Variants in PLCG1 observed in about 807,000 individuals in gnomAD.
PLCG1 encodes 1-phosphatidylinositol 4,5-bisphosphate phosphodiesterase gamma-1.
PLCG1 carries 71 observed loss-of-function variants against 177.8 expected under a neutral mutation model. The ratio of observed to expected loss-of-function variants is 0.40; its 90% CI spans 0.33 to 0.49. The LOEUF is 0.49. Ranked by LOEUF, PLCG1 falls within the 20% of genes least tolerant of loss-of-function variation. PLCG1 has a pLI of 0.72. For synonymous variants in PLCG1, 658 were observed against 647.9 expected (o/e 1.02, Z -0.24); for missense variants, 1,281 against 1,709.0 (o/e 0.75, Z 4.42).
At position 41,172,363 on chromosome 20, in the gene PLCG1, TC is replaced by T; in HGVS notation, c.2906-52del. The stretch of plus-strand genomic sequence containing the variant: ...TGGGTGCAAAAAGAGTATTTAGGTA[TC>T]CCCCCAACACTTCCTGGGTGGGCGG... On this transcript the variant is annotated intron_variant, in intron 25 of 31. Transcript: ENST00000685551. This position sits in a 1 kb window ranked among gnomAD's most constrained non-coding sequence, Gnocchi z 7.0. 4 of 1,575,750 alleles carry T rather than the reference TC, an allele frequency of 2.5e-6. No individual in the cohort carries two copies. The highest frequency in any genetic ancestry group is 1.1e-5 in the South Asian group (1 of 90,370).
In PLCG1 at chr20:41,165,114, G is replaced by T. The variant is rs778855626; in HGVS notation, c.1386+13G>T. ...GATCCTCATCAAGGTGGGGTGGCGGGCTTATTGCGGAAGCCCCACACTTCT... is the reference window on the plus strand; with the variant it reads ...GATCCTCATCAAGGTGGGGTGGCGGTCTTATTGCGGAAGCCCCACACTTCT... On this transcript the variant is annotated intron_variant, in intron 13 of 31. Transcript: ENST00000685551. The surrounding 1 kb of genome is among the most constrained non-coding windows in gnomAD (Gnocchi z 6.6). The T allele has an allele frequency of 1.6e-5, 25 of 1,608,812 alleles. No individual in the cohort carries two copies. Among genetic ancestry groups the T allele is most frequent in the Non-Finnish European group, 2.1e-5 (25 of 1,176,592 alleles).
At position 41,176,655 on chromosome 20, in the gene PLCG1, C is replaced by G. The variant is rs2036072654; in HGVS notation, c.*2146C>G. 6.6e-6 allele frequency: 1 copy of G among 152,254 alleles called. No individual in the cohort carries two copies. The highest frequency in any genetic ancestry group is 2.4e-5 in the African/African-American group (1 of 41,462). 9.4% of individuals were successfully genotyped at this position (152,254 alleles called of 1,614,324 possible). A position where few individuals can be genotyped will look rare whatever the true frequency, so the allele number is the denominator to read the frequency against. ...CTTTGTAGACCTGAGGCTCACCTCT[C>G]TTGGGCTCTGTAAGACATTGCCTTT... is the stretch of plus-strand genomic sequence containing the variant. On this transcript the variant is annotated 3_prime_UTR_variant, in exon 32 of 32. Coordinates refer to ENST00000685551, the MANE Select transcript of PLCG1 (RefSeq NM_002660.3).
Position 41,177,260 on chromosome 20 carries a change from C to T in PLCG1, c.*2751C>T, listed in dbSNP as rs1443842622. ...TTCACTTTCAACAGCTTTGGCTCAGCAGACATGTACACATACAAAGTAGAG... is the reference window on the plus strand; with the variant it reads ...TTCACTTTCAACAGCTTTGGCTCAGTAGACATGTACACATACAAAGTAGAG... On this transcript the variant is annotated 3_prime_UTR_variant, in exon 32 of 32. Coordinates refer to ENST00000685551, the MANE Select transcript of PLCG1 (RefSeq NM_002660.3). 1 of 152,206 alleles carries T rather than the reference C, an allele frequency of 6.6e-6. No individual in the cohort carries two copies. Among genetic ancestry groups the T allele is most frequent in the Non-Finnish European group, 1.5e-5 (1 of 68,050 alleles). 9.4% of individuals were successfully genotyped at this position (152,206 alleles called of 1,614,324 possible). A position where few individuals can be genotyped will look rare whatever the true frequency, so the allele number is the denominator to read the frequency against.
At position 41,159,615 on chromosome 20, in the gene PLCG1, G is replaced by T. The variant is rs150665888; in HGVS notation, c.227G>T (p.Arg76Leu). ...ADKIEGAIDI[R>L]EIKEIRPGKT... ...TTTGCTACCTTCCTAGTTGACATTC[G>T]TGAAATTAAGGAGATCCGCCCAGGG... is the stretch of plus-strand genomic sequence containing the variant. The change falls in exon 2 of 32, where the codon CGT (arginine) becomes CTT (leucine). Residue 76 changes from arginine (R) to leucine (L), a missense_variant. This residue lies in a region of PLCG1 where 374 missense variants were observed against 443.8 expected (regional missense o/e 0.84). Coordinates refer to ENST00000685551, the MANE Select transcript of PLCG1 (RefSeq NM_002660.3). The surrounding 1 kb of genome is among the most constrained non-coding windows in gnomAD (Gnocchi z 6.0). The T allele has an allele frequency of 2.5e-6, 4 of 1,613,892 alleles. No individual in the cohort carries two copies. Among genetic ancestry groups the T allele is most frequent in the Middle Eastern group, 1.7e-4 (1 of 6,038 alleles).
rs1429525679 is a variant in PLCG1 at position 41,174,129 on chromosome 20, G to A, written c.3651G>A (p.Glu1217=). ...TGCACCTGGCTTCGTTGAAGCAGGA[G>A]AATGGTGACCTCAGTCCCTTCAGTG... ...IKIDIFPAKQ[E]NGDLSPFSGT... is the part of the protein sequence containing the mutation. The change falls in exon 31 of 32, where the codon GAG becomes GAA. Residue 1217 remains glutamate, a synonymous_variant. Transcript: ENST00000685551. This position sits in a 1 kb window ranked among gnomAD's most constrained non-coding sequence, Gnocchi z 5.8. 2.5e-6 allele frequency: 4 copies of A among 1,613,056 alleles called. No homozygotes were observed. The highest frequency in any genetic ancestry group is 1.6e-4 in the Middle Eastern group (1 of 6,074).
intron 4 of PLCG1, 81 bp from the exon 5 acceptor site, chr20:41,162,371 C>T (rs2035536258): frequency 3.9e-6 from 4 of 1,028,814 alleles, no homozygotes; most frequent in Non-Finnish European, 3.1e-6. Context: ...TTTACCTGTC[C>T]AGCCCCAGGT....
At chr20:41,140,408 AC>A (rs1357247378) in intron 1 of PLCG1, among the ~76,000 whole-genome samples, 1 of 151,834 alleles carries the variant, frequency 6.6e-6, no homozygotes, top group Non-Finnish European at 1.5e-5. Context: ...TGCCACCTGG[AC>A]TCTTGCCCAA....
In PLCG1 at chr20:41,173,578, C is replaced by T. The variant is rs2146065742; in HGVS notation, c.3394+44C>T. 6.2e-7 allele frequency: 1 copy of T among 1,614,034 alleles called. No homozygotes were observed. The highest frequency in any genetic ancestry group is 8.5e-7 in the Non-Finnish European group (1 of 1,179,998). On this transcript the variant is annotated intron_variant, in intron 28 of 31. Coordinates refer to ENST00000685551, the MANE Select transcript of PLCG1 (RefSeq NM_002660.3). This position sits in a 1 kb window ranked among gnomAD's most constrained non-coding sequence, Gnocchi z 6.2. ...TCATCCTCCTCATCCTGCTGGGGCA[C>T]TGCAAGCCTCTCCCCACCAGTCATC...
chr20:41,166,937 T>A lies in PLCG1; in HGVS notation c.2301+78T>A. 1 of 1,351,640 alleles carries A rather than the reference T, an allele frequency of 7.4e-7. No individual in the cohort carries two copies. The highest frequency in any genetic ancestry group is 1.1e-6 in the Non-Finnish European group (1 of 952,322). The allele number at this position is 1,351,640 out of a possible 1,614,324, so 83.7% of individuals were successfully genotyped here. The stretch of plus-strand genomic sequence containing the variant: ...AATCTTACCAGTCTCTGGATGTGTG[T>A]AACAGCAAGACCTGGTGTGTTGTAG... On this transcript the variant is annotated intron_variant, in intron 19 of 31. Transcript: ENST00000685551. The surrounding 1 kb of genome is among the most constrained non-coding windows in gnomAD (Gnocchi z 8.6).
Position 41,164,212 on chromosome 20 carries a change from G to A in PLCG1, c.1217+11G>A, listed in dbSNP as rs1325407189. 2 of 1,613,924 alleles carry A rather than the reference G, an allele frequency of 1.2e-6. No homozygotes were observed. The highest frequency in any genetic ancestry group is 1.7e-6 in the Non-Finnish European group (2 of 1,179,960). ...CTTTGTGGCCTCAGAGTGAGTCGGA[G>A]GCTGGATGACCCAGGGGTTAACTTG... On this transcript the variant is annotated intron_variant, in intron 12 of 31. Transcript: ENST00000685551. This position sits in a 1 kb window ranked among gnomAD's most constrained non-coding sequence, Gnocchi z 6.4.
chr20:41,158,565 C>T (rs576000382), intron 1 of PLCG1, among the ~76,000 whole-genome samples: 1 of 152,186 alleles, frequency 6.6e-6, no homozygotes, highest in Non-Finnish European at 1.5e-5. Context: ...GATGGGCCCC[C>T]TCCATGTCCC....
At chr20:41,168,895 A>C (rs1390617837) in intron 21 of PLCG1, 25 bp downstream of exon 21, 1 of 1,504,178 alleles carries the variant, frequency 6.6e-7, no homozygotes, top group African/African-American at 1.4e-5. Flanking sequence ...TGGTAGGCCC[A>C]GAGTCCAAGG....
rs768329292 is a variant in PLCG1 at position 41,167,466 on chromosome 20, G to A, written c.2302-386G>A. Among the ~76,000 whole-genome samples, 34 of 152,160 alleles carry A rather than the reference G, an allele frequency of 2.2e-4. No homozygotes were observed. The highest frequency in any genetic ancestry group is 9.2e-4 in the Admixed American group (14 of 15,280). On this transcript the variant is annotated intron_variant, in intron 19 of 31. Coordinates refer to ENST00000685551, the MANE Select transcript of PLCG1 (RefSeq NM_002660.3). The surrounding 1 kb of genome is among the most constrained non-coding windows in gnomAD (Gnocchi z 4.4). ...CAAGTGATGGAGAGGAGCGGCAGGA[G>A]GAATGTGGGGAGTGGGAAGGCTTTT...
intron 6 of PLCG1, 87 bp downstream of exon 6, chr20:41,162,812 T>C (rs1033884454): frequency 5.8e-6 from 8 of 1,369,984 alleles, no homozygotes; most frequent in Non-Finnish European, 8.3e-6. Flanking sequence ...CCTGCTGCCC[T>C]GCTTAGGGGC....
chr20:41,140,794 T>C (rs2034797795), intron 1 of PLCG1, among the ~76,000 whole-genome samples: 2 of 152,356 alleles, frequency 1.3e-5, no homozygotes, highest in South Asian at 4.1e-4. Flanking sequence ...TGCAGTTATG[T>C]AGAGTTCCAG....
Position 41,172,159 on chromosome 20 carries a change from G to A in PLCG1, c.2809-34G>A, listed in dbSNP as rs2035921861. On this transcript the variant is annotated intron_variant, in intron 24 of 31. Coordinates refer to ENST00000685551, the MANE Select transcript of PLCG1 (RefSeq NM_002660.3). The surrounding 1 kb of genome is among the most constrained non-coding windows in gnomAD (Gnocchi z 7.0). ...CTTCCTTCTCCTGGGCAGGGCTGTAGCCTGGGGCTACAGGGCCTTGTGTGT... is the reference window on the plus strand; with the variant it reads ...CTTCCTTCTCCTGGGCAGGGCTGTAACCTGGGGCTACAGGGCCTTGTGTGT... 2 of 1,549,280 alleles carry A rather than the reference G, an allele frequency of 1.3e-6. No individual in the cohort carries two copies. Among genetic ancestry groups the A allele is most frequent in the African/African-American group, 1.4e-5 (1 of 73,694 alleles).
chr20:41,145,042 A>G (rs766415056), intron 1 of PLCG1, among the ~76,000 whole-genome samples: 4 of 152,208 alleles, frequency 2.6e-5, no homozygotes, highest in Admixed American at 6.5e-5. Flanking sequence ...AGGCAGACAG[A>G]TAAAATTCTT....
chr20:41,140,642 G>C (rs1038157023), intron 1 of PLCG1, among the ~76,000 whole-genome samples: 35 of 152,294 alleles, frequency 2.3e-4, no homozygotes, highest in African/African-American at 8.4e-4. Context: ...GACACCTCCT[G>C]ATTTCTAGGG....
rs1013244931 is a variant in PLCG1, at chr20:41,174,587, G to A, written c.*78G>A. 6.8e-6 allele frequency: 9 copies of A among 1,317,356 alleles called. No individual in the cohort carries two copies. Among genetic ancestry groups the A allele is most frequent in the Non-Finnish European group, 9.6e-6 (9 of 934,876 alleles). 81.6% of individuals were successfully genotyped at this position (1,317,356 alleles called of 1,614,324 possible). A position where few individuals can be genotyped will look rare whatever the true frequency, so the allele number is the denominator to read the frequency against. On this transcript the variant is annotated 3_prime_UTR_variant, in exon 32 of 32. Transcript: ENST00000685551. The surrounding 1 kb of genome is among the most constrained non-coding windows in gnomAD (Gnocchi z 5.8). ...CCGCGAACTGGGTTCTTTGGAAGCAGCCCCCTGTGGCGGCCTTCCGGGTCT... is the reference window on the plus strand; with the variant it reads ...CCGCGAACTGGGTTCTTTGGAAGCAACCCCCTGTGGCGGCCTTCCGGGTCT...
Sources: allele counts gnomAD v4.1 joint callset (sites outside exome capture counted in the v4.1 genomes callset), GRCh38; gene constraint gnomAD v4.1.1; regional missense constraint gnomAD v4.1.1; non-coding constraint Gnocchi (gnomAD v3.1); transcripts MANE v1.5; gene names NCBI Gene and HGNC (gene_info 2026-07-23, HGNC 2026-07-21).